GLIS1: variants seen among roughly 807,000 people sequenced by gnomAD.
GLIS1 encodes GLIS family zinc finger 1.
A neutral mutation model predicts 63.8 loss-of-function variants in GLIS1; 24 were observed. The ratio of observed to expected loss-of-function variants is 0.38; its 90% CI spans 0.27 to 0.53. The LOEUF (loss-of-function observed/expected upper bound fraction) is 0.53. Among genes scored for constraint, GLIS1 ranks in the 20% least tolerant of loss-of-function variants. The pLI is 0.85. For synonymous variants in GLIS1, 450 were observed against 482.5 expected (o/e 0.93, Z 0.88); for missense variants, 1,036 against 1,074.1 (o/e 0.96, Z 0.50).
At chr1:53,625,467 C>T (rs1000485254) in intron 2 of GLIS1, among the ~76,000 whole-genome samples, 3 of 152,166 alleles carry the variant, frequency 2.0e-5, no homozygotes, top group Non-Finnish European at 2.9e-5. Flanking sequence ...TTCCATAGCT[C>T]GGCCTTGACA....
At chr1:53,704,581 T>G (rs1646557580) in intron 2 of GLIS1, among the ~76,000 whole-genome samples, 1 of 150,826 alleles carries the variant, frequency 6.6e-6, no homozygotes, top group African/African-American at 2.4e-5. Context: ...AGAGAAGGGG[T>G]GGGGAGGGGA....
chr1:53,550,861 A>AT (rs556021473), intron 4 of GLIS1, among the ~76,000 whole-genome samples: 15 of 151,706 alleles, frequency 9.9e-5, no homozygotes, highest in African/African-American at 1.7e-4. Flanking sequence ...TTATTTATTT[A>AT]TTTTTTTTGA....
chr1:53,509,206 C>A lies in GLIS1; in HGVS notation c.2144G>T (p.Gly715Val). ...CYRMAEPAAG[G>V]DGLVGETHGF... Reference sequence around the variant, plus strand: ...GTGGGTCTCCCCGACCAGTCCGTCCCCACCGGCTGCTGGTTCAGCCATCCG... The same window carrying A: ...GTGGGTCTCCCCGACCAGTCCGTCCACACCGGCTGCTGGTTCAGCCATCCG... The change falls in exon 10 of 11, where the codon GGG (glycine) becomes GTG (valine). Residue 715 changes from glycine to valine, a missense_variant. Gly to Val is a moderately radical substitution (Grantham distance 109). Coordinates refer to ENST00000628545, the MANE Select transcript of GLIS1 (RefSeq NM_001367484.1). 1 of 1,598,150 alleles carries A rather than the reference C, an allele frequency of 6.3e-7. No individual in the cohort carries two copies. The highest frequency in any genetic ancestry group is 2.3e-5 in the East Asian group (1 of 44,142).
intron 2 of GLIS1, among the ~76,000 whole-genome samples, chr1:53,632,376 T>C (rs967137451): frequency 7.1e-6 from 1 of 140,762 alleles, no homozygotes; most frequent in Non-Finnish European, 1.5e-5. Flanking sequence ...CTGAGGGGTG[T>C]GTGAGTGTGA....
At chr1:53,685,837 G>A (rs529533118) in intron 2 of GLIS1, among the ~76,000 whole-genome samples, 158 of 152,252 alleles carry the variant, frequency 1.0e-3, no homozygotes, top group African/African-American at 3.6e-3. Context: ...CCATCCCGCA[G>A]CCAGATCTGC....
At chr1:53,737,086 TTAAC>T (rs962818466) in intron 2 of GLIS1, among the ~76,000 whole-genome samples, 5 of 152,196 alleles carry the variant, frequency 3.3e-5, no homozygotes, top group African/African-American at 1.2e-4. Flanking sequence ...TCAATAATAA[TTAAC>T]TGTGATGAGA....
chr1:53,621,125 C>T (rs1225061045), intron 2 of GLIS1, among the ~76,000 whole-genome samples: 1 of 152,226 alleles, frequency 6.6e-6, no homozygotes, highest in Non-Finnish European at 1.5e-5. Context: ...CCTCCATTCC[C>T]TTATCTGTCA....
chr1:53,713,523 T>C (rs1373027757), intron 2 of GLIS1, among the ~76,000 whole-genome samples: 3 of 152,104 alleles, frequency 2.0e-5, no homozygotes, highest in African/African-American at 7.2e-5. Context: ...AAGACCAGCC[T>C]GGGCAACACA....
intron 2 of GLIS1, among the ~76,000 whole-genome samples, chr1:53,643,385 G>A (rs191957406): frequency 6.1e-4 from 93 of 152,282 alleles, no homozygotes; most frequent in Admixed American, 4.8e-3. Flanking sequence ...GTAACCCTGC[G>A]GGTGGAGTCA....
intron 2 of GLIS1, among the ~76,000 whole-genome samples, chr1:53,681,647 C>T (rs1180594489): frequency 6.6e-6 from 1 of 152,214 alleles, no homozygotes; most frequent in African/African-American, 2.4e-5. Context: ...TATTTCTTTT[C>T]AAGGACTACT....
chr1:53,589,062 G>A (rs1240709189), intron 4 of GLIS1, among the ~76,000 whole-genome samples: 8 of 152,346 alleles, frequency 5.3e-5, no homozygotes, highest in Middle Eastern at 6.8e-3. Context: ...CCTGCCACTT[G>A]GCAGACTGTG....
Position 53,712,026 on chromosome 1 carries a change from G to A in GLIS1, c.259+25780C>T, listed in dbSNP as rs1646652298. 2.0e-5 allele frequency among the ~76,000 whole-genome samples: 3 copies of A among 152,300 alleles called. No individual in the cohort carries two copies. In the South Asian group the frequency reaches 6.2e-4, roughly 32 times the overall value. Reference sequence around the variant, plus strand: ...TTCTCATCCTTAGGGAGTCATTCAAGGCCCAGCACAATTTAAGTCCAATCT... The same window carrying A: ...TTCTCATCCTTAGGGAGTCATTCAAAGCCCAGCACAATTTAAGTCCAATCT... On this transcript the variant is annotated intron_variant, in intron 2 of 10. Coordinates refer to ENST00000628545, the MANE Select transcript of GLIS1 (RefSeq NM_001367484.1).
intron 4 of GLIS1, among the ~76,000 whole-genome samples, chr1:53,534,005 T>G (rs1200186596): frequency 6.6e-6 from 1 of 152,046 alleles, no homozygotes; most frequent in Non-Finnish European, 1.5e-5. Context: ...ACACGGACCC[T>G]GGTGTAGACC....
intron 2 of GLIS1, among the ~76,000 whole-genome samples, chr1:53,732,886 C>T (rs1334692967): frequency 1.3e-5 from 2 of 152,014 alleles, no homozygotes; most frequent in African/African-American, 4.8e-5. Context: ...TGAAATACTA[C>T]CACATCGTGT....
chr1:53,643,715 C>G (rs1431952574), intron 2 of GLIS1, among the ~76,000 whole-genome samples: 1 of 152,202 alleles, frequency 6.6e-6, no homozygotes, highest in Non-Finnish European at 1.5e-5. Context: ...GAGGCCTCCT[C>G]CTACCCCAGG....
chr1:53,655,766 A>C (rs1264734782), intron 2 of GLIS1, among the ~76,000 whole-genome samples: 1 of 152,212 alleles, frequency 6.6e-6, no homozygotes, highest in African/African-American at 2.4e-5. Context: ...CAGGCAGGCA[A>C]TAACCTTGTG....
chr1:53,683,153 C>T (rs1219399677), intron 2 of GLIS1, among the ~76,000 whole-genome samples: 2 of 147,306 alleles, frequency 1.4e-5, no homozygotes, highest in African/African-American at 2.5e-5. Context: ...CATATGGAGT[C>T]TGGGGTCCCA....
chr1:53,661,740 G>A (rs115029390), intron 2 of GLIS1, among the ~76,000 whole-genome samples: 138 of 152,308 alleles, frequency 9.1e-4, no homozygotes, highest in African/African-American at 3.2e-3. Flanking sequence ...TCTCTGGGGT[G>A]GCCCCAGGAT....
chr1:53,689,938 T>C (rs1351767314), intron 2 of GLIS1, among the ~76,000 whole-genome samples: 1 of 152,168 alleles, frequency 6.6e-6, no homozygotes, highest in East Asian at 1.9e-4. Context: ...GGGCTACACG[T>C]AGTGAGCGGA....
Sources: gnomAD v4.1 joint callset for allele counts (sites outside exome capture counted in the v4.1 genomes callset) on GRCh38, gnomAD v4.1.1 for gene constraint, MANE v1.5 for transcripts, NCBI Gene and HGNC (gene_info 2026-07-23, HGNC 2026-07-21) for gene names.